Variants in FKBP15 observed in about 807,000 individuals in gnomAD.
The protein encoded by FKBP15 is FKBP prolyl isomerase family member 15, also known as FK506-binding protein 15.
A neutral mutation model predicts 158.1 loss-of-function variants in FKBP15; 106 were observed. That is an observed-to-expected ratio of 0.67 (90% confidence interval 0.57 to 0.79). The LOEUF (loss-of-function observed/expected upper bound fraction) is 0.79. Among genes scored for constraint, FKBP15 ranks in the 30% least tolerant of loss-of-function variants. The pLI is 0.00. For synonymous variants in FKBP15, 547 were observed against 548.6 expected, an observed-to-expected ratio of 1.00 and a Z score of 0.04; for missense variants, 1,287 against 1,479.1, an observed-to-expected ratio of 0.87 and a Z score of 2.13.
At chr9:113,214,929 G>A (rs978187380) in intron 1 of FKBP15, among the ~76,000 whole-genome samples, 7 of 152,208 alleles carry the variant, frequency 4.6e-5, no homozygotes, top group Admixed American at 2.0e-4. Context: ...CTCACTTCCA[G>A]CTTTTCTTCT....
rs746467241 is a variant in FKBP15, at chr9:113,197,020, G to A, written c.776C>T (p.Pro259Leu). 1 of 1,613,838 alleles carries A rather than the reference G, an allele frequency of 6.2e-7. No homozygotes were observed. The highest frequency in any genetic ancestry group is 1.3e-5 in the African/African-American group (1 of 74,910). Residue 259 changes from proline (P) to leucine (L), a missense_variant, in exon 9 of 28, where the codon CCT becomes CTT. Pro to Leu is a moderately conservative substitution (Grantham distance 98). Coordinates refer to ENST00000238256, the MANE Select transcript of FKBP15 (RefSeq NM_015258.2). ...TTCTGAGCCAACAGCACAGGCTGGA[G>A]GGACAATAAGCAATCGCTTTCCTCC... The part of the protein sequence containing the change: ...KKGGKRLLIV[P>L]PACAVGSEGV...
chr9:113,188,573 C>T, intron 12 of FKBP15, 82 bp from the exon 13 acceptor site: 1 of 1,093,350 alleles, frequency 9.1e-7, no homozygotes, highest in Non-Finnish European at 1.4e-6. Flanking sequence ...CCTAAACCTG[C>T]TTCCAACACA....
Position 113,172,532 on chromosome 9 carries a change from G to A in FKBP15, c.2533-826C>T, listed in dbSNP as rs10981668. Among the ~76,000 whole-genome samples the A allele has an allele frequency of 1.3e-3, 191 of 152,002 alleles. 1 individual carries two copies. The highest frequency in any genetic ancestry group is 2.1e-3 in the Non-Finnish European group (143 of 67,986). On this transcript the variant is annotated intron_variant, in intron 23 of 27. Transcript: ENST00000238256. ...TCTCTAAACATCAAGTCTTAACCTC[G>A]CCTAGGTCTGCTGGTGTCCACTCCC...
Position 113,188,458 on chromosome 9 carries a change from C to T in FKBP15, c.1207G>A (p.Val403Met). 6.2e-7 allele frequency: 1 copy of T among 1,613,942 alleles called. No individual in the cohort carries two copies. The highest frequency in any genetic ancestry group is 8.5e-7 in the Non-Finnish European group (1 of 1,179,882). Residue 403 changes from valine to methionine, a missense_variant, in exon 13 of 28, where the codon GTG becomes ATG. Transcript: ENST00000238256. ...GAGGGCTGGACGGACGGAGTCACCA[C>T]AGGCTGCCCACCTCCTTGCAGAGTG... ...VNTLQGGGQP[V>M]VTPSVQPSLH...
intron 1 of FKBP15, among the ~76,000 whole-genome samples, chr9:113,219,737 G>T (rs1365098752): frequency 6.6e-6 from 1 of 152,150 alleles, no homozygotes; most frequent in African/African-American, 2.4e-5. Flanking sequence ...TGGACTGATT[G>T]TTGCATGAAA....
intron 2 of FKBP15, 33 bp downstream of exon 2, chr9:113,211,444 C>T: frequency 6.5e-7 from 1 of 1,538,692 alleles, no homozygotes; most frequent in Non-Finnish European, 8.9e-7. Flanking sequence ...CAGGCATTAG[C>T]CACCTCGCTC....
rs755221460 is a variant in FKBP15 at position 113,206,583 on chromosome 9, A to G, written c.255-5T>C. On this transcript the variant is annotated splice_region_variant and splice_polypyrimidine_tract_variant and intron_variant, in intron 3 of 27. Transcript: ENST00000238256. Reference sequence around the variant, plus strand: ...TTTACATATTGACCATTTGTGCTATAAAAGGAAGAGAAACAACAAGTATTA... The same window carrying G: ...TTTACATATTGACCATTTGTGCTATGAAAGGAAGAGAAACAACAAGTATTA... 10 of 1,608,488 alleles carry G rather than the reference A, an allele frequency of 6.2e-6. No homozygotes were observed. Among genetic ancestry groups the G allele is most frequent in the South Asian group, 3.3e-5 (3 of 90,962 alleles).
At chr9:113,221,057 T>G (rs1831242686) in intron 1 of FKBP15, 134 bp downstream of exon 1, 2 of 930,616 alleles carry the variant, frequency 2.1e-6, no homozygotes, top group Middle Eastern at 3.4e-4. Flanking sequence ...TTCTGAGAGG[T>G]GTAGAGCACC....
At position 113,215,338 on chromosome 9, in the gene FKBP15, G is replaced by A. The variant is rs180831001; in HGVS notation, c.54-3746C>T. Among the ~76,000 whole-genome samples the A allele has an allele frequency of 7.9e-3, 1,185 of 150,548 alleles. 12 individuals are homozygous for A. The highest frequency in any genetic ancestry group is 0.01 in the Non-Finnish European group (679 of 67,814). ...TAATTGGCCTAATGCCAATATTGCT[G>A]AGTCATGGAGTATAGGTAGGCTCAA... On this transcript the variant is annotated intron_variant, in intron 1 of 27. Transcript: ENST00000238256.
intron 4 of FKBP15, 47 bp downstream of exon 4, chr9:113,206,462 A>G: frequency 6.8e-7 from 1 of 1,470,204 alleles, no homozygotes; most frequent in Non-Finnish European, 9.5e-7. Context: ...GCTCATTGGT[A>G]TTATTTGGGA....
chr9:113,206,759 C>T (rs1312761546), intron 3 of FKBP15, among the ~76,000 whole-genome samples, 181 bp from the exon 4 acceptor site: 4 of 147,694 alleles, frequency 2.7e-5, no homozygotes, highest in African/African-American at 7.6e-5. Flanking sequence ...GCTCTGTCAC[C>T]AGGCTGGAGT....
In FKBP15 at chr9:113,169,292, T is replaced by C. The variant is rs1222769396; in HGVS notation, c.3417A>G (p.Ser1139=). 6.2e-7 allele frequency: 1 copy of C among 1,614,054 alleles called. No individual in the cohort carries two copies. Among genetic ancestry groups the C allele is most frequent in the Admixed American group, 1.7e-5 (1 of 60,038 alleles). ...CAACTGTGGAACCTGCCTCTGTGCT[T>C]GACAGCTCCTTGTGGGGACCGGTGG... The part of the protein sequence containing the change: ...TSSTGPHKEL[S]STEAGSTVAG... The change falls in exon 26 of 28, where the codon TCA becomes TCG. Residue 1139 remains serine (S), a synonymous_variant. Transcript: ENST00000238256.
intron 5 of FKBP15, 75 bp downstream of exon 5, chr9:113,202,886 T>C (rs1587970679): frequency 8.4e-7 from 1 of 1,192,932 alleles, no homozygotes; most frequent in Non-Finnish European, 1.2e-6. Flanking sequence ...TAATTTCTAT[T>C]AGGTACAATC....
intron 9 of FKBP15, among the ~76,000 whole-genome samples, chr9:113,195,988 G>GTATATGGA (rs893642318): frequency 4.6e-5 from 7 of 151,516 alleles, no homozygotes; most frequent in African/African-American, 1.7e-4. Flanking sequence ...ATATGACTAT[G>GTATATGGA]TATATGGATA....
At position 113,165,911 on chromosome 9, in the gene FKBP15, G is replaced by A. The variant is rs964403678; in HGVS notation, c.*167C>T. On this transcript the variant is annotated 3_prime_UTR_variant, in exon 28 of 28. Coordinates refer to ENST00000238256, the MANE Select transcript of FKBP15 (RefSeq NM_015258.2). The stretch of plus-strand genomic sequence containing the variant: ...TATGATCCTCTTCACCAGGTCTGGC[G>A]GGGGTGGGGCTCAGAAGGTGGCCAA... The A allele has an allele frequency of 1.1e-5, 6 of 566,312 alleles. No homozygotes were observed. The highest frequency in any genetic ancestry group is 5.9e-5 in the East Asian group (2 of 34,084). The allele number at this position is 566,312 out of a possible 1,614,324, so 35.1% of individuals were successfully genotyped here.
At chr9:113,188,008 C>A in intron 13 of FKBP15, 109 bp from the exon 14 acceptor site, 1 of 796,478 alleles carries the variant, frequency 1.3e-6, no homozygotes. Context: ...TTTTCCTTGC[C>A]TAGTCTCCCT....
At position 113,163,131 on chromosome 9, in the gene FKBP15, G is replaced by T; in HGVS notation, c.*2947C>A. ...GCCAGCCTACGTAGGGCCCAGGCAT[G>T]GTCTTGTGTCTTAAGACAGCTGCTG... is the stretch of plus-strand genomic sequence containing the variant. On this transcript the variant is annotated 3_prime_UTR_variant, in exon 28 of 28. Coordinates refer to ENST00000238256, the MANE Select transcript of FKBP15 (RefSeq NM_015258.2). 2.2e-6 allele frequency: 1 copy of T among 452,826 alleles called. No individual in the cohort carries two copies. Among genetic ancestry groups the T allele is most frequent in the East Asian group, 3.7e-5 (1 of 26,770 alleles). 28.1% of individuals were successfully genotyped at this position (452,826 alleles called of 1,614,324 possible).
In FKBP15 at chr9:113,183,955, A is replaced by G; in HGVS notation, c.1717-110T>C. On this transcript the variant is annotated intron_variant, in intron 17 of 27. Transcript: ENST00000238256. The stretch of plus-strand genomic sequence containing the variant: ...GACATTGTTAACATGTTTTGAGACA[A>G]AACACTAGAACTTATGTCCACATGT... The G allele has an allele frequency of 1.7e-5, 13 of 772,588 alleles. No homozygotes were observed. The South Asian group carries it at 1.8e-4, about 11-fold the overall frequency. The allele number at this position is 772,588 out of a possible 1,614,324, so 47.9% of individuals were successfully genotyped here.
chr9:113,171,846 CTTTTT>C, intron 23 of FKBP15, 140 bp from the exon 24 acceptor site: 2 of 670,468 alleles, frequency 3.0e-6, no homozygotes, highest in Non-Finnish European at 2.2e-6. Context: ...ATTTCAAATT[CTTTTT>C]TTTTATTATT....
Sources: gnomAD v4.1 joint callset for allele counts (sites outside exome capture counted in the v4.1 genomes callset) on GRCh38, gnomAD v4.1.1 for gene constraint, MANE v1.5 for transcripts, NCBI Gene and HGNC (gene_info 2026-07-23, HGNC 2026-07-21) for gene names.